TESC: variants seen among roughly 807,000 people sequenced by gnomAD.
TESC encodes the protein calcineurin B homologous protein 3.
Under a neutral mutation model 31.0 loss-of-function variants are expected in TESC, and 19 were observed. The ratio of observed to expected loss-of-function variants is 0.61; its 90% CI spans 0.43 to 0.90. The LOEUF (loss-of-function observed/expected upper bound fraction) is 0.90, where lower values mean the gene tolerates loss of function less well. Ranked by LOEUF, TESC falls within the 40% of genes least tolerant of loss-of-function variation. The pLI is 0.00. For missense variants in TESC, 248 were observed against 303.8 expected, an observed-to-expected ratio of 0.82 and a Z score of 1.36; for synonymous variants, 109 against 114.8, an observed-to-expected ratio of 0.95 and a Z score of 0.32.
intron 7 of TESC, among the ~76,000 whole-genome samples, chr12:117,041,625 G>C (rs544885126): frequency 2.0e-5 from 3 of 152,216 alleles, no homozygotes; most frequent in Non-Finnish European, 4.4e-5. Flanking sequence ...GAGCCACCGC[G>C]CCCAGCCTAC....
intron 7 of TESC, among the ~76,000 whole-genome samples, chr12:117,041,027 G>T (rs1954475995): frequency 6.6e-6 from 1 of 151,982 alleles, no homozygotes; most frequent in African/African-American, 2.4e-5. Context: ...CTGCGGGGAG[G>T]GGGATGGGGG....
At chr12:117,040,491 TTCATTCTAC>T (rs1294574914) in intron 7 of TESC, among the ~76,000 whole-genome samples, 1 of 152,048 alleles carries the variant, frequency 6.6e-6, no homozygotes, top group African/African-American at 2.4e-5. Flanking sequence ...GGCAAAGAAA[TTCATTCTAC>T]TCAGCCTGAA....
At chr12:117,063,880 G>A (rs1264844859) in intron 2 of TESC, among the ~76,000 whole-genome samples, 1 of 152,194 alleles carries the variant, frequency 6.6e-6, no homozygotes, top group African/African-American at 2.4e-5. Context: ...TACTCAAAGT[G>A]TGGTTTCTGG....
At chr12:117,099,072 G>GC (rs1213017291) in intron 1 of TESC, among the ~76,000 whole-genome samples, 153 bp downstream of exon 1, 38 of 152,142 alleles carry the variant, frequency 2.5e-4, no homozygotes, top group African/African-American at 8.2e-4. Flanking sequence ...GAGGTGGCCA[G>GC]CGGGGACCCA....
intron 1 of TESC, among the ~76,000 whole-genome samples, chr12:117,093,837 T>C (rs1228014774): frequency 1.3e-5 from 2 of 151,616 alleles, no homozygotes. Flanking sequence ...AACATAGACA[T>C]GCCTGAAGAG....
At chr12:117,050,298 C>T (rs1338425583) in intron 3 of TESC, among the ~76,000 whole-genome samples, 1 of 152,200 alleles carries the variant, frequency 6.6e-6, no homozygotes, top group Non-Finnish European at 1.5e-5. Flanking sequence ...GCGTGGCCCG[C>T]AAAGCCTAAA....
chr12:117,058,560 G>A (rs1028688657), intron 2 of TESC, among the ~76,000 whole-genome samples: 1 of 134,286 alleles, frequency 7.4e-6, no homozygotes, highest in African/African-American at 3.2e-5. Flanking sequence ...TTTCAGTAAA[G>A]CTGTTAAAAA....
intron 2 of TESC, among the ~76,000 whole-genome samples, chr12:117,065,982 C>T (rs1565966935): frequency 1.3e-5 from 2 of 152,088 alleles, no homozygotes; most frequent in African/African-American, 4.8e-5. Flanking sequence ...CAAAGGCAAA[C>T]CCTCTGTGAT....
chr12:117,060,522 C>A (rs1185884178), intron 2 of TESC, among the ~76,000 whole-genome samples: 1 of 152,140 alleles, frequency 6.6e-6, no homozygotes, highest in Non-Finnish European at 1.5e-5. Context: ...CTGAATGAGT[C>A]AGGGTTACCA....
At chr12:117,064,305 G>C (rs575361011) in intron 2 of TESC, among the ~76,000 whole-genome samples, 25 of 152,316 alleles carry the variant, frequency 1.6e-4, no homozygotes, top group South Asian at 4.1e-4. Flanking sequence ...GTGCAAATGT[G>C]CTAGGCAATT....
chr12:117,056,863 G>C lies in TESC; in HGVS notation c.152C>G (p.Pro51Arg), dbSNP rs1481983565. The C allele has an allele frequency of 6.2e-7, 1 of 1,613,986 alleles. No individual in the cohort carries two copies. Among genetic ancestry groups the C allele is most frequent in the African/African-American group, 1.3e-5 (1 of 74,918 alleles). The stretch of plus-strand genomic sequence containing the variant: ...TCGGATGGGGTTGAGCTCCAGGTCC[G>C]GGACATTGTTGAAGTTCTCCTTGCT... Reference protein sequence around the residue: ...TIRKENFNNVPDLELNPIRSK... With the variant: ...TIRKENFNNVRDLELNPIRSK... Residue 51 changes from proline to arginine, a missense_variant, in exon 3 of 8, where the codon CCG becomes CGG. By Grantham distance (103) the Pro-to-Arg change is moderately radical (BLOSUM62 -2). Transcript: ENST00000335209.
At chr12:117,051,822 G>A (rs552678388) in intron 3 of TESC, among the ~76,000 whole-genome samples, 1 of 152,170 alleles carries the variant, frequency 6.6e-6, no homozygotes, top group Non-Finnish European at 1.5e-5. Context: ...CCGCAGGTCT[G>A]AAGAGACCAA....
chr12:117,077,195 C>G (rs1955086012), intron 1 of TESC, among the ~76,000 whole-genome samples: 1 of 152,178 alleles, frequency 6.6e-6, no homozygotes, highest in Non-Finnish European at 1.5e-5. Context: ...ACTGAGGGCT[C>G]TCTACTTCCT....
intron 6 of TESC, among the ~76,000 whole-genome samples, chr12:117,042,646 C>T (rs1348718776): frequency 1.3e-5 from 2 of 152,260 alleles, no homozygotes; most frequent in East Asian, 1.9e-4. Flanking sequence ...GTCTCCATCG[C>T]CTCTGCGTCC....
chr12:117,070,459 C>T (rs1249988235), intron 2 of TESC, among the ~76,000 whole-genome samples: 1 of 152,120 alleles, frequency 6.6e-6, no homozygotes. Flanking sequence ...GCAGCTGACA[C>T]GAACCTCGAA....
chr12:117,067,358 G>T (rs528477991), intron 2 of TESC, among the ~76,000 whole-genome samples: 1 of 152,066 alleles, frequency 6.6e-6, no homozygotes, highest in Non-Finnish European at 1.5e-5. Flanking sequence ...TGAGCCAGGA[G>T]TCCGAGACCA....
intron 1 of TESC, among the ~76,000 whole-genome samples, chr12:117,080,323 C>T (rs1198229446): frequency 6.6e-6 from 1 of 152,062 alleles, no homozygotes; most frequent in Non-Finnish European, 1.5e-5. Flanking sequence ...CAAAAATCAG[C>T]CAGGCGTGGT....
intron 2 of TESC, among the ~76,000 whole-genome samples, chr12:117,068,484 G>A (rs775872161): frequency 1.3e-5 from 2 of 152,154 alleles, no homozygotes; most frequent in Admixed American, 6.5e-5. Flanking sequence ...AGCCAAGATC[G>A]CGCCACAGCA....
At chr12:117,078,393 GA>G (rs1327498054) in intron 1 of TESC, among the ~76,000 whole-genome samples, 1 of 152,158 alleles carries the variant, frequency 6.6e-6, no homozygotes, top group Non-Finnish European at 1.5e-5. Context: ...TTGAGCCCGG[GA>G]GGCGGAGGTT....
Sources: gnomAD v4.1 joint callset for allele counts (sites outside exome capture counted in the v4.1 genomes callset) on GRCh38, gnomAD v4.1.1 for gene constraint, MANE v1.5 for transcripts, NCBI Gene and HGNC (gene_info 2026-07-23, HGNC 2026-07-21) for gene names.